CSMD1: variants seen among roughly 807,000 people sequenced by gnomAD.
The protein encoded by CSMD1 is CUB and sushi domain-containing protein 1.
Under a neutral mutation model 417.5 loss-of-function variants are expected in CSMD1, and 213 were observed. That is an observed-to-expected ratio of 0.51 (90% CI 0.46 to 0.57). The LOEUF (loss-of-function observed/expected upper bound fraction) is 0.57, where lower values mean the gene tolerates loss of function less well. Ranked by LOEUF, CSMD1 falls within the 20% of genes least tolerant of loss-of-function variation. CSMD1 has a pLI of 0.00. For synonymous variants in CSMD1, 2,862 were observed against 1,736.8 expected (o/e 1.65, Z -16.11); for missense variants, 6,923 against 4,529.7 (o/e 1.53, Z -15.17).
chr8:3,106,164 T>C (rs940681754), intron 46 of CSMD1, among the ~76,000 whole-genome samples: 4 of 148,156 alleles, frequency 2.7e-5, no homozygotes, highest in South Asian at 4.2e-4. Flanking sequence ...GGCAGGTAGA[T>C]AGCTCGAGTC....
At chr8:4,802,140 T>C (rs1395715840) in intron 1 of CSMD1, among the ~76,000 whole-genome samples, 1 of 152,146 alleles carries the variant, frequency 6.6e-6, no homozygotes, top group Non-Finnish European at 1.5e-5. Flanking sequence ...GATCTCAAAA[T>C]CGAAGAGCAA....
Position 3,359,352 on chromosome 8 carries a change from A to T in CSMD1, c.3116-12T>A. 1 of 1,610,468 alleles carries T rather than the reference A, an allele frequency of 6.2e-7. No homozygotes were observed. The highest frequency in any genetic ancestry group is 8.5e-7 in the Non-Finnish European group (1 of 1,177,070). On this transcript the variant is annotated splice_polypyrimidine_tract_variant and intron_variant, in intron 20 of 69. Coordinates refer to ENST00000635120, the MANE Select transcript of CSMD1 (RefSeq NM_033225.6). ...CTCCAGGTCATATTCTGAGGCATGC[A>T]GAGACAGAGTAAATGCATGAGGATT...
chr8:3,634,728 G>A (rs570224074), intron 7 of CSMD1, among the ~76,000 whole-genome samples: 1 of 152,278 alleles, frequency 6.6e-6, no homozygotes, highest in Non-Finnish European at 1.5e-5. Flanking sequence ...CAGCCTTTCT[G>A]GATTGAGCCA....
chr8:4,424,977 C>G (rs1262517201), intron 2 of CSMD1, among the ~76,000 whole-genome samples: 1 of 151,954 alleles, frequency 6.6e-6, no homozygotes, highest in Non-Finnish European at 1.5e-5. Context: ...TTAAAATAAT[C>G]TAGTAACCAA....
At chr8:3,665,327 C>T (rs527859815) in intron 7 of CSMD1, among the ~76,000 whole-genome samples, 1 of 152,188 alleles carries the variant, frequency 6.6e-6, no homozygotes, top group African/African-American at 2.4e-5. Context: ...GTCAGGAGTT[C>T]GAGACCAGCC....
intron 7 of CSMD1, among the ~76,000 whole-genome samples, chr8:3,655,021 T>C (rs1798033861): frequency 6.6e-6 from 1 of 152,198 alleles, no homozygotes; most frequent in Non-Finnish European, 1.5e-5. Flanking sequence ...GCTCAAATTT[T>C]TAAATTTAAT....
chr8:3,161,487 G>C (rs945416973), intron 38 of CSMD1, among the ~76,000 whole-genome samples: 1 of 151,868 alleles, frequency 6.6e-6, no homozygotes, highest in Non-Finnish European at 1.5e-5. Flanking sequence ...TGTGGTGGCA[G>C]GTGCCTGTAA....
intron 1 of CSMD1, among the ~76,000 whole-genome samples, chr8:4,722,561 C>T (rs1163564795): frequency 6.6e-6 from 1 of 152,016 alleles, no homozygotes; most frequent in Non-Finnish European, 1.5e-5. Flanking sequence ...CCAAATGCAT[C>T]AGATAGTTAG....
chr8:3,526,035 A>T (rs1359913697), intron 10 of CSMD1, among the ~76,000 whole-genome samples: 2 of 152,202 alleles, frequency 1.3e-5, no homozygotes, highest in East Asian at 3.9e-4. Flanking sequence ...TACCCAAATT[A>T]AACAATTAAT....
chr8:4,007,575 G>C (rs540397865), intron 4 of CSMD1, among the ~76,000 whole-genome samples: 2 of 151,998 alleles, frequency 1.3e-5, no homozygotes, highest in Non-Finnish European at 2.9e-5. Flanking sequence ...CTCTCGGTGC[G>C]TGCTGAGTGC....
At chr8:4,885,543 G>A (rs948841852) in intron 1 of CSMD1, among the ~76,000 whole-genome samples, 1 of 151,970 alleles carries the variant, frequency 6.6e-6, no homozygotes, top group African/African-American at 2.4e-5. Context: ...ATGAGGAGGT[G>A]TTGGATTTTG....
intron 12 of CSMD1, among the ~76,000 whole-genome samples, chr8:3,466,408 T>C (rs1468041532): frequency 1.4e-5 from 2 of 145,730 alleles, no homozygotes; most frequent in East Asian, 4.2e-4. Flanking sequence ...TATTTTCTGA[T>C]AATTTTTTTT....
chr8:3,682,990 G>T (rs911403392), intron 7 of CSMD1, among the ~76,000 whole-genome samples: 6 of 152,080 alleles, frequency 3.9e-5, no homozygotes, highest in African/African-American at 1.4e-4. Flanking sequence ...CGTGGGAACT[G>T]AACAATGAGA....
chr8:3,983,094 AC>A (rs1218971799), intron 5 of CSMD1, among the ~76,000 whole-genome samples: 1 of 151,068 alleles, frequency 6.6e-6, no homozygotes, highest in African/African-American at 2.4e-5. Flanking sequence ...ATGATGTAAA[AC>A]GCCTCAGACA....
chr8:3,593,047 T>C (rs1023460589), intron 8 of CSMD1, among the ~76,000 whole-genome samples: 60 of 152,200 alleles, frequency 3.9e-4, no homozygotes, highest in Non-Finnish European at 6.9e-4. Context: ...CTGGAAGCCC[T>C]GGCTGGGGGG....
chr8:4,808,946 T>C (rs1261477279), intron 1 of CSMD1, among the ~76,000 whole-genome samples: 1 of 152,212 alleles, frequency 6.6e-6, no homozygotes, highest in Non-Finnish European at 1.5e-5. Flanking sequence ...AAATCATTCT[T>C]CAAGAACATA....
rs537959465 is a variant in CSMD1 at position 3,284,755 on chromosome 8, A to G, written c.3951-409T>C. 4.0e-5 allele frequency: 7 copies of G among 173,632 alleles called. No homozygotes were observed. In the East Asian group the frequency reaches 6.2e-4, roughly 15 times the overall value. The allele number at this position is 173,632 out of a possible 1,614,324, so 10.8% of individuals were successfully genotyped here. A position where few individuals can be genotyped will look rare whatever the true frequency, so the allele number is the denominator to read the frequency against. On this transcript the variant is annotated intron_variant, in intron 25 of 69. Coordinates refer to ENST00000635120, the MANE Select transcript of CSMD1 (RefSeq NM_033225.6). ...CGGTGCAGTCAGTGTTGTTCACGAA[A>G]TGCCCCGCTAGGTGGCAGCAGCCAC...
chr8:4,402,465 T>C (rs1804707248), intron 3 of CSMD1, among the ~76,000 whole-genome samples: 1 of 152,176 alleles, frequency 6.6e-6, no homozygotes, highest in Admixed American at 6.6e-5. Context: ...CTAAGCTTCC[T>C]GGTCTCTCTG....
intron 6 of CSMD1, among the ~76,000 whole-genome samples, chr8:3,730,727 T>G (rs1400378423): frequency 4.9e-4 from 74 of 152,270 alleles, no homozygotes; most frequent in Non-Finnish European, 2.4e-4. Context: ...ACCTAGAAAC[T>G]TATTCACAGT....
Sources: allele counts gnomAD v4.1 joint callset (sites outside exome capture counted in the v4.1 genomes callset), GRCh38; gene constraint gnomAD v4.1.1; transcripts MANE v1.5; gene names NCBI Gene and HGNC (gene_info 2026-07-23, HGNC 2026-07-21).